The following DAB1 variants were observed in gnomAD, a reference collection of about 807,000 sequenced individuals.
DAB1 encodes the protein DAB adaptor protein 1.
DAB1 carries 15 observed loss-of-function variants against 64.6 expected under a neutral mutation model. That is an observed-to-expected ratio of 0.23 (90% CI 0.16 to 0.36). The LOEUF is 0.36. DAB1 is among the 10% of genes least tolerant of loss of function. The pLI is 1.00. For synonymous variants in DAB1, 235 were observed against 251.9 expected (o/e 0.93, Z 0.64); for missense variants, 596 against 706.7 (o/e 0.84, Z 1.78).
chr1:57,042,978 CT>C (rs1246256257), intron 9 of DAB1, among the ~76,000 whole-genome samples: 1 of 152,090 alleles, frequency 6.6e-6, no homozygotes, highest in African/African-American at 2.4e-5. Flanking sequence ...GGATAAATTA[CT>C]CCATTTCTAA....
chr1:58,405,851 C>T (rs932776580), intron 3 of DAB1, among the ~76,000 whole-genome samples: 2 of 152,150 alleles, frequency 1.3e-5, no homozygotes, highest in Non-Finnish European at 2.9e-5. Flanking sequence ...TGACTGTGGG[C>T]CTCTCTGCGA....
rs146465598 is a variant in DAB1 at position 57,176,970 on chromosome 1, T to TACAAAAAAAAAA, written c.68-31542_68-31541insTTTTTTTTTTGT. Among the ~76,000 whole-genome samples the TACAAAAAAAAAA allele has an allele frequency of 2.0e-4, 12 of 61,034 alleles. 2 individuals carry two copies. The highest frequency in any genetic ancestry group is 4.3e-4 in the African/African-American group (11 of 25,670). The allele number at this position is 61,034 out of a possible 152,430, so 40.0% of individuals were successfully genotyped here. A position where few individuals can be genotyped will look rare whatever the true frequency, so the allele number is the denominator to read the frequency against. ...GATAAAAAAAAGAAGCAGCAGCAGA[T>TACAAAAAAAAAA]ATAAAAAAAAAAAAAAAAAAAAGCC... is the stretch of plus-strand genomic sequence containing the variant. On this transcript the variant is annotated intron_variant, in intron 2 of 14. Transcript: ENST00000371236.
intron 7 of DAB1, among the ~76,000 whole-genome samples, chr1:57,591,432 T>G (rs918438054): frequency 6.6e-6 from 1 of 152,176 alleles, no homozygotes; most frequent in Non-Finnish European, 1.5e-5. Context: ...CAGCCAAAAT[T>G]CATAAAGGCA....
At chr1:57,416,264 T>C (rs1684484723) in intron 1 of DAB1, among the ~76,000 whole-genome samples, 1 of 152,316 alleles carries the variant, frequency 6.6e-6, no homozygotes, top group Non-Finnish European at 1.5e-5. Flanking sequence ...AAGATGTCCC[T>C]TGCATATATC....
At chr1:57,846,111 T>C (rs1287852259) in intron 1 of DAB1, among the ~76,000 whole-genome samples, 2 of 152,146 alleles carry the variant, frequency 1.3e-5, no homozygotes, top group Non-Finnish European at 2.9e-5. Flanking sequence ...TGGTCAGAAA[T>C]ATAAGCTTTA....
intron 3 of DAB1, among the ~76,000 whole-genome samples, chr1:58,372,608 T>C (rs1644275416): frequency 6.6e-6 from 1 of 152,170 alleles, no homozygotes; most frequent in African/African-American, 2.4e-5. Flanking sequence ...AAGAATAATA[T>C]GGTTTGTCTC....
chr1:58,121,231 C>A (rs973801341), intron 5 of DAB1, among the ~76,000 whole-genome samples: 3 of 152,054 alleles, frequency 2.0e-5, no homozygotes, highest in African/African-American at 7.2e-5. Context: ...CCAGAGTAAC[C>A]TTCCAAAACA....
At chr1:57,918,140 C>G (rs1021943864) in intron 5 of DAB1, among the ~76,000 whole-genome samples, 1 of 151,246 alleles carries the variant, frequency 6.6e-6, no homozygotes, top group Non-Finnish European at 1.5e-5. Flanking sequence ...AATGAGTGAA[C>G]TGTATACTAT....
chr1:58,152,030 T>C (rs1301181452), intron 4 of DAB1, among the ~76,000 whole-genome samples: 3 of 152,182 alleles, frequency 2.0e-5, no homozygotes, highest in Non-Finnish European at 4.4e-5. Flanking sequence ...ACAAGGTTGA[T>C]TCCAGGGTGA....
chr1:57,484,570 T>C (rs1028163107), intron 7 of DAB1, among the ~76,000 whole-genome samples: 1 of 152,180 alleles, frequency 6.6e-6, no homozygotes, highest in Non-Finnish European at 1.5e-5. Flanking sequence ...GGGAGGAGCT[T>C]GCTTGGAAGA....
chr1:57,401,021 C>A (rs1161287833), intron 1 of DAB1, among the ~76,000 whole-genome samples: 1 of 146,520 alleles, frequency 6.8e-6, no homozygotes, highest in African/African-American at 2.5e-5. Context: ...CCGAAAGGAA[C>A]TTACCACCAA....
At chr1:58,370,993 G>A (rs992718362) in intron 3 of DAB1, among the ~76,000 whole-genome samples, 2 of 152,174 alleles carry the variant, frequency 1.3e-5, no homozygotes, top group Admixed American at 6.5e-5. Context: ...GGATACCAAG[G>A]TAGTGGGTCA....
chr1:57,120,375 C>T (rs933085236), intron 4 of DAB1, among the ~76,000 whole-genome samples: 3 of 152,178 alleles, frequency 2.0e-5, no homozygotes, highest in Non-Finnish European at 4.4e-5. Context: ...GAAACCACTG[C>T]TCCTGCTTTC....
At chr1:58,520,031 G>C (rs7355165) in intron 2 of DAB1, among the ~76,000 whole-genome samples, 1 of 151,886 alleles carries the variant, frequency 6.6e-6, no homozygotes, top group Admixed American at 6.6e-5. Context: ...CACTCATAAG[G>C]GGGAGCTAAA....
chr1:58,071,689 G>A (rs2806405), intron 5 of DAB1: 87,373 of 151,844 alleles, frequency 0.58, 25,553 homozygotes, highest in Admixed American at 0.65. Flanking sequence ...TTGCCAGCAC[G>A]ATAACTGAGA....
rs953019084 is a variant in DAB1, at chr1:57,472,447, C to T, written n.625+177145G>A. The stretch of plus-strand genomic sequence containing the variant: ...AAAAACTAAAAGGCAGAAATGAAAT[C>T]CAGAAGCAGACAGCCTGGCGCCACA... On this transcript the variant is annotated intron_variant and non_coding_transcript_variant, in intron 7 of 20. Transcript: ENST00000485760. Among the ~76,000 whole-genome samples, 4 of 152,192 alleles carry T rather than the reference C, an allele frequency of 2.6e-5. No homozygotes were observed. The South Asian group carries it at 8.3e-4, about 31-fold the overall frequency.
At chr1:57,582,556 T>C (rs1645326341) in intron 7 of DAB1, among the ~76,000 whole-genome samples, 1 of 152,134 alleles carries the variant, frequency 6.6e-6, no homozygotes, top group South Asian at 2.1e-4. Flanking sequence ...AACATATGAA[T>C]TTAGGGAACA....
intron 4 of DAB1, among the ~76,000 whole-genome samples, chr1:58,205,530 T>C (rs1658226216): frequency 6.6e-6 from 1 of 152,128 alleles, no homozygotes; most frequent in Non-Finnish European, 1.5e-5. Flanking sequence ...TTTGTGATAG[T>C]TAAATATATA....
chr1:58,503,145 C>A (rs1022154442), intron 3 of DAB1, among the ~76,000 whole-genome samples: 4 of 152,094 alleles, frequency 2.6e-5, no homozygotes, highest in African/African-American at 9.7e-5. Context: ...AATTTATTAT[C>A]CAATTAAACA....
Sources: allele counts gnomAD v4.1 joint callset (sites outside exome capture counted in the v4.1 genomes callset), GRCh38; gene constraint gnomAD v4.1.1; transcripts MANE v1.5; gene names NCBI Gene and HGNC (gene_info 2026-07-23, HGNC 2026-07-21).